The following OSBP2 variants were observed in gnomAD, a reference collection of about 807,000 sequenced individuals.
OSBP2 encodes oxysterol binding protein 2.
OSBP2 carries 66 observed loss-of-function variants against 96.0 expected under a neutral mutation model. The ratio of observed to expected loss-of-function variants is 0.69; its 90% confidence interval spans 0.56 to 0.84. The LOEUF is 0.84. Ranked by LOEUF, OSBP2 falls within the 40% of genes least tolerant of loss-of-function variation. The pLI, the probability that OSBP2 is intolerant of heterozygous loss-of-function variation, is 0.00. For missense variants in OSBP2, 1,038 were observed against 1,222.7 expected (o/e 0.85, Z 2.25); for synonymous variants, 525 against 520.9 (o/e 1.01, Z -0.11).
intron 2 of OSBP2, among the ~76,000 whole-genome samples, chr22:30,746,581 C>T (rs2090004009): frequency 6.7e-6 from 1 of 148,536 alleles, no homozygotes; most frequent in African/African-American, 2.5e-5. Flanking sequence ...GCTTCACCTC[C>T]CAGGTTCAAG....
chr22:30,694,770 C>T, upstream of OSBP2: 1 of 576,224 alleles, frequency 1.7e-6, no homozygotes, highest in Non-Finnish European at 2.2e-6. Flanking sequence ...CGCTGACGGG[C>T]ACGGAGCGCA....
intron 2 of OSBP2, among the ~76,000 whole-genome samples, chr22:30,790,855 G>T (rs1384484916): frequency 6.6e-6 from 1 of 152,154 alleles, no homozygotes; most frequent in Non-Finnish European, 1.5e-5. Context: ...TCACGTGGTT[G>T]CCCTGAAGGG....
chr22:30,809,472 C>T (rs1186484510), intron 2 of OSBP2, among the ~76,000 whole-genome samples: 1 of 152,178 alleles, frequency 6.6e-6, no homozygotes, highest in Non-Finnish European at 1.5e-5. Flanking sequence ...GCTCATACCC[C>T]ATGTTCAGAG....
At chr22:30,862,790 A>G (rs187484245) in intron 2 of OSBP2, among the ~76,000 whole-genome samples, 15 of 151,078 alleles carry the variant, frequency 9.9e-5, no homozygotes, top group African/African-American at 3.2e-4. Flanking sequence ...TGGCCAACAT[A>G]GTGAAACCCC....
chr22:30,778,568 T>G (rs921825634), intron 2 of OSBP2, among the ~76,000 whole-genome samples: 25 of 152,230 alleles, frequency 1.6e-4, no homozygotes, highest in Non-Finnish European at 2.8e-4. Context: ...TCCCTTTTGT[T>G]GGTAACACTT....
intron 3 of OSBP2, among the ~76,000 whole-genome samples, chr22:30,883,118 G>A (rs575352350): frequency 4.6e-5 from 7 of 152,366 alleles, no homozygotes; most frequent in African/African-American, 1.4e-4. Flanking sequence ...AAGTGATGGT[G>A]CAGGGATGAG....
intron 2 of OSBP2, among the ~76,000 whole-genome samples, chr22:30,823,117 G>A (rs911921967): frequency 6.6e-6 from 1 of 152,184 alleles, no homozygotes; most frequent in East Asian, 1.9e-4. Flanking sequence ...GCCCACAAGG[G>A]CCTCGTCCTG....
rs573972988 is a variant in OSBP2, at chr22:30,837,714, G to A, written c.854-32715G>A. Among the ~76,000 whole-genome samples, 5 of 152,240 alleles carry A rather than the reference G, an allele frequency of 3.3e-5. No homozygotes were observed. The East Asian group carries it at 5.8e-4, about 18-fold the overall frequency. On this transcript the variant is annotated intron_variant, in intron 2 of 13. Transcript: ENST00000332585. Reference sequence around the variant, plus strand: ...TTGTGATGTGGTTCTAGGCAGGTTCGGGGTGAGCAAAGCCCAGGGTGCGAC... The same window carrying A: ...TTGTGATGTGGTTCTAGGCAGGTTCAGGGTGAGCAAAGCCCAGGGTGCGAC...
chr22:30,723,709 C>T (rs1182159441), intron 1 of OSBP2, among the ~76,000 whole-genome samples: 4 of 152,162 alleles, frequency 2.6e-5, no homozygotes, highest in African/African-American at 9.7e-5. Flanking sequence ...CCACCGCACC[C>T]GGCCAGATTT....
intron 2 of OSBP2, chr22:30,822,773 C>T (rs956846404): frequency 3.5e-5 from 48 of 1,386,748 alleles, no homozygotes; most frequent in Non-Finnish European, 4.0e-5. Flanking sequence ...ACGCCCGGTG[C>T]CTGGCTTTGC....
chr22:30,735,903 T>A lies in OSBP2; in HGVS notation c.645-5258T>A, dbSNP rs999192651. 2.4e-4 allele frequency among the ~76,000 whole-genome samples: 37 copies of A among 151,902 alleles called. No homozygotes were observed. In the East Asian group the frequency reaches 3.3e-3, roughly 14 times the overall value. Reference sequence around the variant, plus strand: ...ATGCCCAGCTAATTTTTGGTATTTTTAAAAAATTATTATTTATTTATTTAT... The same window carrying A: ...ATGCCCAGCTAATTTTTGGTATTTTAAAAAAATTATTATTTATTTATTTAT... On this transcript the variant is annotated intron_variant, in intron 1 of 13. Transcript: ENST00000332585.
chr22:30,725,005 C>G (rs1028711010), intron 1 of OSBP2, among the ~76,000 whole-genome samples: 7 of 102,804 alleles, frequency 6.8e-5, no homozygotes, highest in Non-Finnish European at 1.2e-4. Context: ...AACTCCCTCT[C>G]TACTAAAAAT....
intron 1 of OSBP2, among the ~76,000 whole-genome samples, chr22:30,730,772 C>T (rs867841208): frequency 4.9e-5 from 1 of 20,572 alleles, no homozygotes; most frequent in African/African-American, 1.8e-4. Context: ...CTCTCTCTCT[C>T]TCTATATATA....
chr22:30,748,740 A>G (rs2090038067), intron 2 of OSBP2, among the ~76,000 whole-genome samples: 1 of 152,210 alleles, frequency 6.6e-6, no homozygotes, highest in Non-Finnish European at 1.5e-5. Flanking sequence ...TGAAGTTAAG[A>G]TCACTTATTA....
intron 4 of OSBP2, 32 bp downstream of exon 4, chr22:30,887,650 T>C (rs1319137402): frequency 8.5e-6 from 13 of 1,530,222 alleles, no homozygotes; most frequent in African/African-American, 2.7e-5. Flanking sequence ...GGCTGTCCCA[T>C]GACCTTCTGC....
At chr22:30,832,387 C>G (rs565586305) in intron 2 of OSBP2, among the ~76,000 whole-genome samples, 1 of 151,864 alleles carries the variant, frequency 6.6e-6, no homozygotes, top group East Asian at 1.9e-4. Flanking sequence ...ACCTCCCCAT[C>G]TCAAGCGATC....
At chr22:30,889,319 G>A (rs1180185699) in intron 6 of OSBP2, 85 bp downstream of exon 6, 1 of 1,465,422 alleles carries the variant, frequency 6.8e-7, no homozygotes, top group African/African-American at 1.4e-5. Context: ...AAGAACTGGG[G>A]GCCAGCAGGC....
At chr22:30,856,221 A>G (rs1231861711) in intron 2 of OSBP2, among the ~76,000 whole-genome samples, 1 of 151,698 alleles carries the variant, frequency 6.6e-6, no homozygotes, top group Non-Finnish European at 1.5e-5. Flanking sequence ...TCACCCCTCC[A>G]TCTCTCCATT....
At chr22:30,802,852 C>G (rs1025084675) in intron 2 of OSBP2, among the ~76,000 whole-genome samples, 3 of 152,190 alleles carry the variant, frequency 2.0e-5, no homozygotes, top group African/African-American at 7.2e-5. Context: ...TTGCAGCGCT[C>G]AGGCTGACGG....
Sources: gnomAD v4.1 joint callset for allele counts (sites outside exome capture counted in the v4.1 genomes callset) on GRCh38, gnomAD v4.1.1 for gene constraint, MANE v1.5 for transcripts, NCBI Gene and HGNC (gene_info 2026-07-23, HGNC 2026-07-21) for gene names.